FOXN3: variants seen among roughly 807,000 people sequenced by gnomAD.
The protein encoded by FOXN3 is forkhead box protein N3.
Under a neutral mutation model 38.4 loss-of-function variants are expected in FOXN3, and 7 were observed. The ratio of observed to expected loss-of-function variants is 0.18; its 90% confidence interval spans 0.10 to 0.34. The LOEUF (loss-of-function observed/expected upper bound fraction) is 0.34. Among genes scored for constraint, FOXN3 ranks in the 10% least tolerant of loss-of-function variants. The pLI is 1.00. For synonymous variants in FOXN3, 230 were observed against 242.2 expected (o/e 0.95, Z 0.47); for missense variants, 456 against 613.4 (o/e 0.74, Z 2.71).
At chr14:89,341,141 G>A (rs2139997936) in intron 3 of FOXN3, among the ~76,000 whole-genome samples, 1 of 152,256 alleles carries the variant, frequency 6.6e-6, no homozygotes, top group East Asian at 1.9e-4. Context: ...CCTGGCAGCT[G>A]GTTGTCTAGC....
At chr14:89,202,532 ATGCTGAAGTT>A (rs1286501795) in intron 4 of FOXN3, among the ~76,000 whole-genome samples, 2 of 152,236 alleles carry the variant, frequency 1.3e-5, no homozygotes, top group Non-Finnish European at 2.9e-5. Context: ...TCTAAAGCAC[ATGCTGAAGTT>A]TGATCCCCAG....
intron 3 of FOXN3, among the ~76,000 whole-genome samples, chr14:89,292,629 C>T (rs981166860): frequency 5.9e-5 from 9 of 152,188 alleles, no homozygotes; most frequent in Non-Finnish European, 1.2e-4. Context: ...ACACAGTGCT[C>T]CTCTCCTCTG....
intron 3 of FOXN3, among the ~76,000 whole-genome samples, chr14:89,329,435 A>C (rs1275645917): frequency 2.0e-5 from 3 of 152,160 alleles, no homozygotes; most frequent in Non-Finnish European, 2.9e-5. Flanking sequence ...ACATCTGGCA[A>C]TATCTGCAGA....
At chr14:89,240,629 C>T (rs1204371496) in intron 4 of FOXN3, among the ~76,000 whole-genome samples, 1 of 152,224 alleles carries the variant, frequency 6.6e-6, no homozygotes, top group Non-Finnish European at 1.5e-5. Context: ...CATCCACACA[C>T]ATCCAGGGCT....
intron 1 of FOXN3, among the ~76,000 whole-genome samples, chr14:89,495,465 C>G (rs1474355819): frequency 6.6e-6 from 1 of 152,064 alleles, no homozygotes; most frequent in Non-Finnish European, 1.5e-5. Flanking sequence ...ATATACACAC[C>G]TTACTGGTTA....
At chr14:89,507,121 A>AT (rs1310795565) in intron 1 of FOXN3, among the ~76,000 whole-genome samples, 65 of 96,408 alleles carry the variant, frequency 6.7e-4, no homozygotes, top group Admixed American at 8.5e-4. Context: ...AGAATGATCA[A>AT]TAAAAAAAAA....
At position 89,306,658 on chromosome 14, in the gene FOXN3, C is replaced by T. The variant is rs113102054; in HGVS notation, c.681-25644G>A. On this transcript the variant is annotated intron_variant, in intron 3 of 5. Transcript: ENST00000557258. ...CTGGGATTACAGGCGTGAGCCACCG[C>T]GCCCGGCCCATTTTGGTTCTCCTTC... Among the ~76,000 whole-genome samples, 23 of 152,288 alleles carry T rather than the reference C, an allele frequency of 1.5e-4. 1 individual carries two copies. Among genetic ancestry groups the T allele is most frequent in the African/African-American group, 5.3e-4 (22 of 41,548 alleles).
intron 3 of FOXN3, among the ~76,000 whole-genome samples, chr14:89,301,470 C>T (rs1384239736): frequency 6.6e-6 from 1 of 151,230 alleles, no homozygotes; most frequent in Non-Finnish European, 1.5e-5. Flanking sequence ...AGTGATACCC[C>T]ATCTTAAAAA....
At chr14:89,356,463 A>G (rs1429130936) in intron 2 of FOXN3, 1 of 152,208 alleles carries the variant, frequency 6.6e-6, no homozygotes, top group African/African-American at 2.4e-5. Context: ...TTTACATTTT[A>G]TAACAACCTT....
chr14:89,182,800 G>C (rs957722), intron 4 of FOXN3, among the ~76,000 whole-genome samples: 123,172 of 152,190 alleles, frequency 0.81, 50,040 homozygotes, highest in African/African-American at 0.87. Context: ...TCGAACAGAA[G>C]AGCATTCGGA....
intron 1 of FOXN3, among the ~76,000 whole-genome samples, chr14:89,515,715 GAC>G (rs1343026496): frequency 6.6e-6 from 1 of 152,182 alleles, no homozygotes; most frequent in African/African-American, 2.4e-5. Context: ...CAGCCTGGAA[GAC>G]AGAGGGAGAC....
chr14:89,512,331 A>G (rs1894109586), intron 1 of FOXN3, among the ~76,000 whole-genome samples: 1 of 152,242 alleles, frequency 6.6e-6, no homozygotes, highest in Non-Finnish European at 1.5e-5. Flanking sequence ...TTTACACGGC[A>G]TAGGGTAGGG....
chr14:89,247,529 G>C (rs1885333088), intron 4 of FOXN3, among the ~76,000 whole-genome samples: 1 of 152,192 alleles, frequency 6.6e-6, no homozygotes, highest in Non-Finnish European at 1.5e-5. Context: ...AGGATGTCTA[G>C]TGCAAGGTCT....
At chr14:89,288,166 T>C (rs994471381) in intron 3 of FOXN3, among the ~76,000 whole-genome samples, 1 of 151,678 alleles carries the variant, frequency 6.6e-6, no homozygotes, top group Non-Finnish European at 1.5e-5. Context: ...CTACCAAGAG[T>C]GGCCCATTTC....
At chr14:89,254,041 G>A (rs537750364) in intron 4 of FOXN3, among the ~76,000 whole-genome samples, 7 of 152,178 alleles carry the variant, frequency 4.6e-5, no homozygotes, top group South Asian at 4.2e-4. Context: ...GTCTTGGAAC[G>A]GGCTGCCTGG....
chr14:89,481,958 A>ATGCTAGGACAGTCCTAGGCT (rs1463379331), intron 1 of FOXN3, among the ~76,000 whole-genome samples: 2 of 152,220 alleles, frequency 1.3e-5, no homozygotes, highest in Admixed American at 6.5e-5. Flanking sequence ...AGTCCTAGGC[A>ATGCTAGGACAGTCCTAGGCT]TACTGGGACT....
At chr14:89,280,840 G>T in intron 4 of FOXN3, 110 bp downstream of exon 4, 1 of 842,980 alleles carries the variant, frequency 1.2e-6, no homozygotes, top group Non-Finnish European at 1.9e-6. Context: ...CCAGAAAGCG[G>T]CCACTCCTAA....
chr14:89,262,155 T>A (rs1216136407), intron 4 of FOXN3, among the ~76,000 whole-genome samples: 2 of 152,070 alleles, frequency 1.3e-5, no homozygotes, highest in Non-Finnish European at 2.9e-5. Context: ...TTATTCCAAT[T>A]TGATGGCTGG....
At chr14:89,616,521 A>ACCCCCCCCCCCC (rs1161046760) in intron 1 of FOXN3, among the ~76,000 whole-genome samples, 35 of 137,882 alleles carry the variant, frequency 2.5e-4, no homozygotes, top group African/African-American at 3.9e-4. Context: ...TCACTCCCCA[A>ACCCCCCCCCCCC]CCCCACCCCC....
Sources: allele counts gnomAD v4.1 joint callset (sites outside exome capture counted in the v4.1 genomes callset), GRCh38; gene constraint gnomAD v4.1.1; transcripts MANE v1.5; gene names NCBI Gene and HGNC (gene_info 2026-07-23, HGNC 2026-07-21).